Variants in INPP4B observed in about 807,000 individuals in gnomAD.
INPP4B encodes inositol polyphosphate-4-phosphatase type II B.
A neutral mutation model predicts 122.5 loss-of-function variants in INPP4B; 55 were observed. The ratio of observed to expected loss-of-function variants is 0.45; its 90% CI spans 0.36 to 0.56. The LOEUF (loss-of-function observed/expected upper bound fraction) is 0.56, where lower values mean the gene tolerates loss of function less well. INPP4B is among the 20% of genes least tolerant of loss of function. The pLI is 0.00. For synonymous variants in INPP4B, 403 were observed against 388.7 expected, an observed-to-expected ratio of 1.04 and a Z score of -0.43; for missense variants, 1,000 against 1,097.7, an observed-to-expected ratio of 0.91 and a Z score of 1.26.
rs191098889 is a variant in INPP4B, at chr4:142,077,833, T to C, written c.2642+4198A>G. Among the ~76,000 whole-genome samples the C allele has an allele frequency of 2.2e-3, 332 of 152,142 alleles. 1 individual carries two copies. Among genetic ancestry groups the C allele is most frequent in the African/African-American group, 7.7e-3 (321 of 41,540 alleles). ...TACCAGGTTTATAGTCTTGTCATAA[T>C]GTCATTAAAATCAATTACGGATTTA... On this transcript the variant is annotated intron_variant, in intron 25 of 25. Coordinates refer to ENST00000262992, the MANE Select transcript of INPP4B (RefSeq NM_001101669.3).
Position 142,752,205 on chromosome 4 carries a change from C to T in INPP4B, c.-253-26304G>A, listed in dbSNP as rs899332410. ...TGAAGATCAGTGAATCACATCACAT[C>T]CAGCTGAAAAAGAAAATTAAGTTGT... is the stretch of plus-strand genomic sequence containing the variant. On this transcript the variant is annotated intron_variant, in intron 1 of 25. Coordinates refer to ENST00000262992, the MANE Select transcript of INPP4B (RefSeq NM_001101669.3). Among the ~76,000 whole-genome samples the T allele has an allele frequency of 2.0e-5, 3 of 151,894 alleles. No homozygotes were observed. The South Asian group carries it at 6.2e-4, about 32-fold the overall frequency.
intron 1 of INPP4B, among the ~76,000 whole-genome samples, chr4:142,837,804 C>G (rs919278559): frequency 5.9e-5 from 9 of 151,994 alleles, no homozygotes. Flanking sequence ...CTTTATCCAG[C>G]ATATCACATT....
intron 1 of INPP4B, among the ~76,000 whole-genome samples, chr4:142,818,303 C>G (rs1302247195): frequency 6.6e-6 from 1 of 152,140 alleles, no homozygotes; most frequent in Non-Finnish European, 1.5e-5. Flanking sequence ...TTGAGAAATG[C>G]CTGCTTTCCC....
chr4:142,588,606 A>G (rs1399689648), intron 2 of INPP4B, among the ~76,000 whole-genome samples: 1 of 150,642 alleles, frequency 6.6e-6, no homozygotes, highest in Non-Finnish European at 1.5e-5. Context: ...ATTAATTCCA[A>G]AAAATGAAAT....
chr4:142,819,350 C>A (rs1167925478), intron 1 of INPP4B, among the ~76,000 whole-genome samples: 2 of 152,118 alleles, frequency 1.3e-5, no homozygotes, highest in African/African-American at 4.8e-5. Flanking sequence ...TTCCAACCAA[C>A]TTGTAAAGAT....
At chr4:142,272,269 T>C (rs1746224757) in intron 9 of INPP4B, among the ~76,000 whole-genome samples, 1 of 152,054 alleles carries the variant, frequency 6.6e-6, no homozygotes, top group South Asian at 2.1e-4. Flanking sequence ...ACCAATAAAT[T>C]AGGTGAAAAG....
rs138185718 is a variant in INPP4B, at chr4:142,387,852, C to T, written c.372+15086G>A. ...ATGTGAGCCTAGGTCCCCATAAGCC[C>T]GCTGTTCAAGATGGCCCAGCAAACT... On this transcript the variant is annotated intron_variant, in intron 7 of 25. Coordinates refer to ENST00000262992, the MANE Select transcript of INPP4B (RefSeq NM_001101669.3). Among the ~76,000 whole-genome samples the T allele has an allele frequency of 2.6e-3, 391 of 152,192 alleles. 2 individuals are homozygous for T. The highest frequency in any genetic ancestry group is 8.2e-3 in the African/African-American group (341 of 41,534).
intron 2 of INPP4B, among the ~76,000 whole-genome samples, chr4:142,539,338 T>C (rs1008888028): frequency 6.6e-6 from 1 of 151,970 alleles, no homozygotes; most frequent in Non-Finnish European, 1.5e-5. Flanking sequence ...CTATTCATCA[T>C]TAAAGATTTA....
intron 25 of INPP4B, among the ~76,000 whole-genome samples, chr4:142,050,422 T>G (rs1288723438): frequency 1.3e-5 from 2 of 151,972 alleles, no homozygotes; most frequent in Non-Finnish European, 1.5e-5. Flanking sequence ...AAAGAATAAT[T>G]AAAAACAAAA....
chr4:142,047,741 C>T (rs992137040), intron 25 of INPP4B, among the ~76,000 whole-genome samples: 2 of 152,034 alleles, frequency 1.3e-5, no homozygotes, highest in African/African-American at 4.8e-5. Flanking sequence ...TGCAGAAATA[C>T]TCCCAGGGAT....
At chr4:142,581,451 T>C (rs1163562401) in intron 2 of INPP4B, among the ~76,000 whole-genome samples, 1 of 151,728 alleles carries the variant, frequency 6.6e-6, no homozygotes, top group African/African-American at 2.4e-5. Flanking sequence ...TGGACAACAA[T>C]TATTCATGAA....
At chr4:142,259,368 T>TA (rs928536320) in intron 11 of INPP4B, among the ~76,000 whole-genome samples, 18 of 143,162 alleles carry the variant, frequency 1.3e-4, no homozygotes, top group Admixed American at 5.6e-4. Flanking sequence ...AATAAATAAA[T>TA]AAAAAAAAAG....
intron 21 of INPP4B, among the ~76,000 whole-genome samples, chr4:142,114,189 CT>C (rs1791756935): frequency 6.6e-6 from 1 of 151,976 alleles, no homozygotes; most frequent in Non-Finnish European, 1.5e-5. Context: ...ATCGATATCA[CT>C]TTTTGTCAAC....
chr4:142,253,667 CAGG>C (rs1733804738), intron 11 of INPP4B, among the ~76,000 whole-genome samples: 2 of 152,222 alleles, frequency 1.3e-5, no homozygotes, highest in African/African-American at 4.8e-5. Flanking sequence ...AACGGCGCAC[CAGG>C]AGATTATATC....
intron 2 of INPP4B, among the ~76,000 whole-genome samples, chr4:142,581,591 A>G (rs897037799): frequency 3.6e-5 from 4 of 110,066 alleles, no homozygotes; most frequent in African/African-American, 1.4e-4. Flanking sequence ...ATTTCTATCT[A>G]TTAGAAATAG....
At chr4:142,332,877 G>A (rs1159718775) in intron 7 of INPP4B, among the ~76,000 whole-genome samples, 2 of 151,048 alleles carry the variant, frequency 1.3e-5, no homozygotes, top group African/African-American at 4.9e-5. Context: ...CAGGCGTGGT[G>A]GCGGGTGCCT....
chr4:142,398,868 A>G (rs945477151), intron 7 of INPP4B, among the ~76,000 whole-genome samples: 1 of 152,150 alleles, frequency 6.6e-6, no homozygotes, highest in Non-Finnish European at 1.5e-5. Context: ...CTCGGTGTCT[A>G]CTGGATACCA....
chr4:142,475,237 C>T (rs1025145292), intron 2 of INPP4B, among the ~76,000 whole-genome samples: 2 of 151,910 alleles, frequency 1.3e-5, no homozygotes, highest in Middle Eastern at 3.2e-3. Context: ...TGAACTCATA[C>T]CACAAGCAAA....
chr4:142,166,824 C>T (rs1822986493), intron 16 of INPP4B, among the ~76,000 whole-genome samples: 1 of 151,818 alleles, frequency 6.6e-6, no homozygotes, highest in African/African-American at 2.4e-5. Context: ...AAATGCAAGT[C>T]AAAACCACAA....
Sources: gnomAD v4.1 joint callset for allele counts (sites outside exome capture counted in the v4.1 genomes callset) on GRCh38, gnomAD v4.1.1 for gene constraint, MANE v1.5 for transcripts, NCBI Gene and HGNC (gene_info 2026-07-23, HGNC 2026-07-21) for gene names.